DPP10: variants seen among roughly 807,000 people sequenced by gnomAD.
DPP10 encodes the protein dipeptidyl peptidase like 10, also known as inactive dipeptidyl peptidase 10.
In DPP10, 33 loss-of-function variants were observed where a neutral mutation model predicts 120.9. The ratio of observed to expected loss-of-function variants is 0.27; its 90% CI spans 0.21 to 0.37. The LOEUF is 0.37. Ranked by LOEUF, DPP10 falls within the 10% of genes least tolerant of loss-of-function variation. The pLI is 1.00. For missense variants in DPP10, 816 were observed against 942.8 expected (o/e 0.87, Z 1.76); for synonymous variants, 337 against 326.1 (o/e 1.03, Z -0.36).
chr2:115,397,928 G>A (rs2067796687), intron 3 of DPP10, among the ~76,000 whole-genome samples: 1 of 152,134 alleles, frequency 6.6e-6, no homozygotes, highest in Non-Finnish European at 1.5e-5. Context: ...AATCCCAAAT[G>A]TGTACCCTTG....
intron 5 of DPP10, among the ~76,000 whole-genome samples, chr2:115,644,055 T>C (rs1205275850): frequency 6.6e-6 from 1 of 152,186 alleles, no homozygotes; most frequent in Non-Finnish European, 1.5e-5. Flanking sequence ...ACTGAACATT[T>C]CTAAATCCAG....
chr2:114,886,956 T>C (rs545357152), intron 1 of DPP10, among the ~76,000 whole-genome samples: 1 of 152,324 alleles, frequency 6.6e-6, no homozygotes, highest in Admixed American at 6.5e-5. Context: ...GTTGCATTAA[T>C]TCTGTCTCAT....
At chr2:115,004,024 T>A (rs547730414) in intron 1 of DPP10, among the ~76,000 whole-genome samples, 1 of 152,318 alleles carries the variant, frequency 6.6e-6, no homozygotes, top group South Asian at 2.1e-4. Context: ...CAAACATGTA[T>A]TTGCTTACAA....
At chr2:114,565,854 T>C (rs921193639) in intron 1 of DPP10, among the ~76,000 whole-genome samples, 5 of 152,232 alleles carry the variant, frequency 3.3e-5, no homozygotes. Context: ...TAGGCACACA[T>C]GGACACTTAA....
chr2:115,758,101 A>T (rs115605936), intron 11 of DPP10, among the ~76,000 whole-genome samples: 2 of 152,244 alleles, frequency 1.3e-5, no homozygotes, highest in African/African-American at 4.8e-5. Context: ...TTTATAGATA[A>T]CATAACTGTA....
intron 5 of DPP10, among the ~76,000 whole-genome samples, chr2:115,526,834 G>C (rs1326274834): frequency 6.6e-6 from 1 of 152,000 alleles, no homozygotes; most frequent in Non-Finnish European, 1.5e-5. Context: ...ATATACATGT[G>C]CTATATTTTT....
intron 1 of DPP10, among the ~76,000 whole-genome samples, chr2:114,473,961 C>T (rs13389939): frequency 0.086 from 13,117 of 152,080 alleles, 1,880 homozygotes; most frequent in African/African-American, 0.3. Context: ...TGTTATTTTT[C>T]GTTGTTGTTT....
chr2:115,182,773 C>T (rs1205653972), intron 1 of DPP10, among the ~76,000 whole-genome samples: 1 of 152,140 alleles, frequency 6.6e-6, no homozygotes, highest in Non-Finnish European at 1.5e-5. Context: ...CCTCCCTAAC[C>T]TGAGTGATGG....
chr2:115,233,898 A>G, intron 1 of DPP10: 1 of 514,576 alleles, frequency 1.9e-6, no homozygotes, highest in Non-Finnish European at 3.9e-6. Flanking sequence ...TCTCTCCCTT[A>G]GCCCTTCTTC....
In DPP10 at chr2:115,121,589, G is replaced by C. The variant is rs571374372; in HGVS notation, c.61-187650G>C. Among the ~76,000 whole-genome samples the C allele has an allele frequency of 7.2e-5, 11 of 152,254 alleles. No individual in the cohort carries two copies. The South Asian group carries it at 2.3e-3, about 32-fold the overall frequency. ...CCAGTGGCTGAGCTTGTGGCAGAGG[G>C]GGCAGGCTATGTGGGGGTTTCTCCC... On this transcript the variant is annotated intron_variant, in intron 1 of 25. Transcript: ENST00000410059.
chr2:115,014,454 C>T (rs1239000964), intron 1 of DPP10, among the ~76,000 whole-genome samples: 1 of 151,964 alleles, frequency 6.6e-6, no homozygotes. Context: ...CAAGAGCAAA[C>T]AAATTCAAAA....
chr2:115,369,924 A>G (rs1185329936), intron 3 of DPP10, among the ~76,000 whole-genome samples: 2 of 152,114 alleles, frequency 1.3e-5, no homozygotes, highest in Non-Finnish European at 2.9e-5. Context: ...TCTAATGCAC[A>G]GAGAGCTGCA....
chr2:115,414,851 G>T (rs2069244996), intron 3 of DPP10, among the ~76,000 whole-genome samples: 2 of 152,124 alleles, frequency 1.3e-5, no homozygotes. Flanking sequence ...TGCAAGTCAA[G>T]TCTCAAGATG....
intron 1 of DPP10, among the ~76,000 whole-genome samples, chr2:114,993,576 G>GTA (rs1395583474): frequency 6.4e-4 from 24 of 37,598 alleles, no homozygotes; most frequent in South Asian, 2.9e-3. Context: ...GTGTGTGTGT[G>GTA]TGTGTATATA....
At chr2:114,564,764 G>T (rs917159598) in intron 1 of DPP10, among the ~76,000 whole-genome samples, 16 of 152,140 alleles carry the variant, frequency 1.1e-4, no homozygotes, top group Non-Finnish European at 2.2e-4. Context: ...AAGCAGGGAA[G>T]GAGAAAGAAT....
intron 1 of DPP10, among the ~76,000 whole-genome samples, chr2:114,784,485 C>T (rs573229337): frequency 7.2e-5 from 11 of 152,182 alleles, no homozygotes; most frequent in African/African-American, 1.9e-4. Context: ...ATGTCACTGG[C>T]GACTGCCTAT....
chr2:114,536,507 A>G (rs1001051205), intron 1 of DPP10, among the ~76,000 whole-genome samples: 1 of 147,496 alleles, frequency 6.8e-6, no homozygotes, highest in Non-Finnish European at 1.5e-5. Flanking sequence ...CCGGGTTCAC[A>G]CCATTCTCCT....
chr2:114,549,534 A>T (rs1687697941), intron 1 of DPP10, among the ~76,000 whole-genome samples: 1 of 151,606 alleles, frequency 6.6e-6, no homozygotes, highest in Non-Finnish European at 1.5e-5. Context: ...AGTGGTGCAC[A>T]CCTGTAGTCC....
rs543924760 is a variant in DPP10, at chr2:115,301,679, G to A, written c.61-7560G>A. 1.1e-4 allele frequency among the ~76,000 whole-genome samples: 16 copies of A among 151,962 alleles called. No individual in the cohort carries two copies. In the South Asian group the frequency reaches 3.1e-3, roughly 30 times the overall value. On this transcript the variant is annotated intron_variant, in intron 1 of 25. Transcript: ENST00000410059. The stretch of plus-strand genomic sequence containing the variant: ...GTAGTTTACTTGATGATCCTGTGGA[G>A]GAATGAGGACCTGGAGCTTTCTAAT...
Sources: allele counts gnomAD v4.1 joint callset (sites outside exome capture counted in the v4.1 genomes callset), GRCh38; gene constraint gnomAD v4.1.1; transcripts MANE v1.5; gene names NCBI Gene and HGNC (gene_info 2026-07-23, HGNC 2026-07-21).